Variants in BBS9 observed in about 807,000 individuals in gnomAD.
The protein encoded by BBS9 is protein PTHB1.
In BBS9, 89 loss-of-function variants were observed where a neutral mutation model predicts 117.7. That is an observed-to-expected ratio of 0.76 (90% CI 0.64 to 0.90). BBS9 has a LOEUF of 0.90. Among genes scored for constraint, BBS9 ranks in the 40% least tolerant of loss-of-function variants. The probability of loss-of-function intolerance (pLI) is 0.00; values close to 1 mark genes in which losing one functional copy is unlikely to be tolerated. For synonymous variants in BBS9, 379 were observed against 370.9 expected, an observed-to-expected ratio of 1.02 and a Z score of -0.25; for missense variants, 982 against 1,042.2, an observed-to-expected ratio of 0.94 and a Z score of 0.80.
intron 21 of BBS9, among the ~76,000 whole-genome samples, chr7:33,570,296 T>C (rs1029455862): frequency 6.6e-6 from 1 of 152,054 alleles, no homozygotes; most frequent in Non-Finnish European, 1.5e-5. Context: ...TCAAAAGACA[T>C]AGAAGCCAGC....
intron 1 of BBS9, 137 bp from the exon 2 acceptor site, chr7:33,146,105 A>G: frequency 1.6e-6 from 1 of 637,692 alleles, no homozygotes. Context: ...TTGTGGTTTC[A>G]AATATGTGTA....
At chr7:33,345,353 T>C (rs528245363) in intron 12 of BBS9, among the ~76,000 whole-genome samples, 1 of 152,316 alleles carries the variant, frequency 6.6e-6, no homozygotes, top group Non-Finnish European at 1.5e-5. Flanking sequence ...TGCCCAGACC[T>C]TGGAAGCAAG....
In BBS9 at chr7:33,326,332, G is replaced by C. The variant is rs1380322496; in HGVS notation, c.1017-10109G>C. 2.7e-5 allele frequency among the ~76,000 whole-genome samples: 4 copies of C among 148,482 alleles called. No individual in the cohort carries two copies. The East Asian group carries it at 8.4e-4, about 31-fold the overall frequency. ...CTGGCTACCGCTGATGTTCACTCAAGCCCCAGGCTCTTCAGTCAGCTTGTG... is the reference window on the plus strand; with the variant it reads ...CTGGCTACCGCTGATGTTCACTCAACCCCCAGGCTCTTCAGTCAGCTTGTG... On this transcript the variant is annotated intron_variant, in intron 9 of 22. Transcript: ENST00000242067.
At chr7:33,215,887 GA>G (rs1308522063) in intron 5 of BBS9, among the ~76,000 whole-genome samples, 1 of 151,922 alleles carries the variant, frequency 6.6e-6, no homozygotes, top group Non-Finnish European at 1.5e-5. Context: ...ATATGTCTAA[GA>G]TTTTTTGTAC....
intron 19 of BBS9, among the ~76,000 whole-genome samples, chr7:33,467,017 C>CAT (rs1840271019): frequency 1.9e-5 from 2 of 103,292 alleles, no homozygotes; most frequent in Admixed American, 1.1e-4. Context: ...TTCATTCTCT[C>CAT]TCTCTCTCTC....
At chr7:33,431,611 A>G (rs544543974) in intron 19 of BBS9, among the ~76,000 whole-genome samples, 2 of 152,304 alleles carry the variant, frequency 1.3e-5, no homozygotes, top group African/African-American at 4.8e-5. Context: ...GGTGCCATCT[A>G]TGGACTAGAA....
At chr7:33,598,231 G>GAA (rs11459733) in intron 21 of BBS9, among the ~76,000 whole-genome samples, 1 of 141,478 alleles carries the variant, frequency 7.1e-6, no homozygotes. Flanking sequence ...GAGTTTATGG[G>GAA]AAAAAAAAAA....
At chr7:33,286,190 C>T (rs1012796765) in intron 9 of BBS9, among the ~76,000 whole-genome samples, 3 of 152,050 alleles carry the variant, frequency 2.0e-5, no homozygotes, top group Admixed American at 2.0e-4. Context: ...GAAGTACTGT[C>T]ATCAAGACTG....
chr7:33,129,346 G>A (rs920909345), upstream of BBS9: 2 of 522,270 alleles, frequency 3.8e-6, no homozygotes, highest in East Asian at 3.2e-5. Flanking sequence ...AGGAACTGCT[G>A]CCAGGACAGG....
At chr7:33,425,556 T>C (rs1189140011) in intron 19 of BBS9, among the ~76,000 whole-genome samples, 1 of 152,050 alleles carries the variant, frequency 6.6e-6, no homozygotes, top group Non-Finnish European at 1.5e-5. Flanking sequence ...CCTGTGTCCA[T>C]GTGTTCTCAT....
rs74558315 is a variant in BBS9 at position 33,311,582 on chromosome 7, C to T, written c.1017-24859C>T. ...TCTCCTCAAAAATGTCTACATATTCCGAGGCAGGCAGATCACTTGAGGTCA... is the reference window on the plus strand; with the variant it reads ...TCTCCTCAAAAATGTCTACATATTCTGAGGCAGGCAGATCACTTGAGGTCA... On this transcript the variant is annotated intron_variant, in intron 9 of 22. Transcript: ENST00000242067. Among the ~76,000 whole-genome samples the T allele has an allele frequency of 0.018, 2,735 of 152,150 alleles. 219 individuals are homozygous for T. In the East Asian group the frequency reaches 0.27, roughly 15 times the overall value.
chr7:33,420,633 G>A (rs967514301), intron 19 of BBS9, among the ~76,000 whole-genome samples: 1 of 152,114 alleles, frequency 6.6e-6, no homozygotes, highest in Non-Finnish European at 1.5e-5. Context: ...AGACAGAGAT[G>A]ATGCTGAGGA....
chr7:33,608,563 A>G (rs1215964225), downstream of BBS9, among the ~76,000 whole-genome samples: 1 of 152,068 alleles, frequency 6.6e-6, no homozygotes, highest in African/African-American at 2.4e-5. Flanking sequence ...ACTTGTTAAT[A>G]ATAGCCATTC....
Position 33,306,436 on chromosome 7 carries a change from A to G in BBS9, c.1017-30005A>G, listed in dbSNP as rs187227528. Among the ~76,000 whole-genome samples the G allele has an allele frequency of 5.9e-5, 9 of 152,226 alleles. No individual in the cohort carries two copies. The East Asian group carries it at 1.5e-3, about 26-fold the overall frequency. ...GTCAGTCCTGTTACTCAGGACAAGA[A>G]CATGTAGAAAACGGAAAATATGAAA... On this transcript the variant is annotated intron_variant, in intron 9 of 22. Coordinates refer to ENST00000242067, the MANE Select transcript of BBS9 (RefSeq NM_198428.3).
intron 9 of BBS9, among the ~76,000 whole-genome samples, chr7:33,325,861 G>A (rs1030318259): frequency 6.6e-6 from 1 of 152,108 alleles, no homozygotes; most frequent in Non-Finnish European, 1.5e-5. Flanking sequence ...TCTCTCTGCT[G>A]TGTTTCCTGG....
At chr7:33,478,556 A>G (rs1842101498) in intron 19 of BBS9, among the ~76,000 whole-genome samples, 1 of 152,220 alleles carries the variant, frequency 6.6e-6, no homozygotes, top group Non-Finnish European at 1.5e-5. Context: ...ATCTAGATAA[A>G]TACAAAAAAG....
intron 1 of BBS9, among the ~76,000 whole-genome samples, chr7:33,144,995 T>C (rs764675934): frequency 6.6e-6 from 1 of 152,334 alleles, no homozygotes; most frequent in Middle Eastern, 3.4e-3. Context: ...ATGATTCCCA[T>C]AGTAATGAAT....
intron 12 of BBS9, among the ~76,000 whole-genome samples, chr7:33,347,003 T>A (rs1817708076): frequency 1.3e-5 from 2 of 151,406 alleles, no homozygotes; most frequent in African/African-American, 4.8e-5. Flanking sequence ...CAAAGTTATT[T>A]TGAGTCTTAA....
chr7:33,380,770 A>G (rs946711630), intron 17 of BBS9: 2 of 152,832 alleles, frequency 1.3e-5, no homozygotes, highest in Admixed American at 6.5e-5. Context: ...TTTTTCATCT[A>G]TATCTGCTAC....
Sources: allele counts gnomAD v4.1 joint callset (sites outside exome capture counted in the v4.1 genomes callset), GRCh38; gene constraint gnomAD v4.1.1; transcripts MANE v1.5; gene names NCBI Gene and HGNC (gene_info 2026-07-23, HGNC 2026-07-21).